The following UBE2D1 variants were observed in gnomAD, a reference collection of about 807,000 sequenced individuals.
UBE2D1 encodes ubiquitin-conjugating enzyme E2 D1.
Under a neutral mutation model 24.6 loss-of-function variants are expected in UBE2D1, and 9 were observed. That is an observed-to-expected ratio of 0.37 (90% confidence interval 0.22 to 0.64). The LOEUF (loss-of-function observed/expected upper bound fraction) is 0.64. Among genes scored for constraint, UBE2D1 ranks in the 30% least tolerant of loss-of-function variants. The probability of loss-of-function intolerance (pLI) is 0.64; values close to 1 mark genes in which losing one functional copy is unlikely to be tolerated. For synonymous variants in UBE2D1, 57 were observed against 57.6 expected, an observed-to-expected ratio of 0.99 and a Z score of 0.04; for missense variants, 87 against 177.1, an observed-to-expected ratio of 0.49 and a Z score of 2.89.
chr10:58,354,976 G>C (rs1248060687), intron 1 of UBE2D1, among the ~76,000 whole-genome samples: 1 of 152,060 alleles, frequency 6.6e-6, no homozygotes, highest in Non-Finnish European at 1.5e-5. Flanking sequence ...AAGTAGAGTG[G>C]CATTGTTTTA....
In UBE2D1 at chr10:58,369,008, C is replaced by A; in HGVS notation, c.*243C>A. 3.6e-6 allele frequency: 1 copy of A among 275,374 alleles called. No individual in the cohort carries two copies. Among genetic ancestry groups the A allele is most frequent in the Non-Finnish European group, 6.8e-6 (1 of 146,406 alleles). The allele number at this position is 275,374 out of a possible 1,614,324, so 17.1% of individuals were successfully genotyped here. On this transcript the variant is annotated 3_prime_UTR_variant, in exon 7 of 7. Transcript: ENST00000373910. ...GACATTTATTATGGTTTTTAAGATA[C>A]TTGGACATCTGCATCTTCAGCTTAC...
intron 1 of UBE2D1, among the ~76,000 whole-genome samples, chr10:58,351,056 C>T (rs1198369590): frequency 6.6e-6 from 1 of 152,124 alleles, no homozygotes; most frequent in East Asian, 1.9e-4. Context: ...CTGTATAGGG[C>T]ACTTACCATA....
intron 1 of UBE2D1, among the ~76,000 whole-genome samples, chr10:58,357,577 T>C (rs954054257): frequency 6.6e-6 from 1 of 152,190 alleles, no homozygotes; most frequent in African/African-American, 2.4e-5. Flanking sequence ...TTCATTTTTC[T>C]TTTTTCAAAT....
chr10:58,335,352 G>T (rs964973550), intron 1 of UBE2D1, 127 bp downstream of exon 1: 85 of 1,163,026 alleles, frequency 7.3e-5, no homozygotes, highest in Non-Finnish European at 9.0e-5. Context: ...TGCGGGCAGG[G>T]AGCTGAAGGC....
chr10:58,363,248 A>G (rs1284136331), intron 3 of UBE2D1, among the ~76,000 whole-genome samples: 1 of 152,180 alleles, frequency 6.6e-6, no homozygotes, highest in East Asian at 1.9e-4. Flanking sequence ...GCTGCAGAAA[A>G]TGATCTTTTC....
At chr10:58,351,514 A>C (rs948196653) in intron 1 of UBE2D1, among the ~76,000 whole-genome samples, 2 of 152,098 alleles carry the variant, frequency 1.3e-5, no homozygotes, top group African/African-American at 4.8e-5. Flanking sequence ...TTCCACCTCT[A>C]CACCTCCACA....
At chr10:58,363,728 A>C (rs1481555114) in intron 4 of UBE2D1, 42 bp downstream of exon 4, 2 of 1,414,936 alleles carry the variant, frequency 1.4e-6, no homozygotes, top group Admixed American at 3.6e-5. Flanking sequence ...CATGTAAGAG[A>C]TTTTATTCTT....
intron 4 of UBE2D1, among the ~76,000 whole-genome samples, chr10:58,364,269 T>C (rs1037107409): frequency 6.6e-6 from 1 of 152,132 alleles, no homozygotes; most frequent in Non-Finnish European, 1.5e-5. Flanking sequence ...AAAAACAGAT[T>C]AACATTGTAT....
chr10:58,363,914 T>C (rs1165952715), intron 4 of UBE2D1, among the ~76,000 whole-genome samples: 1 of 152,074 alleles, frequency 6.6e-6, no homozygotes, highest in African/African-American at 2.4e-5. Flanking sequence ...TAAATTAAAT[T>C]CCTTGCTTTT....
At chr10:58,366,216 A>G (rs1041562259) in intron 5 of UBE2D1, among the ~76,000 whole-genome samples, 1 of 152,242 alleles carries the variant, frequency 6.6e-6, no homozygotes, top group Non-Finnish European at 1.5e-5. Context: ...CCAGATATTG[A>G]GTACTTATAT....
At position 58,365,179 on chromosome 10, in the gene UBE2D1, A is replaced by G. The variant is rs916464677; in HGVS notation, c.304+303A>G. Among the ~76,000 whole-genome samples, 14 of 152,286 alleles carry G rather than the reference A, an allele frequency of 9.2e-5. No homozygotes were observed. The South Asian group carries it at 2.5e-3, about 27-fold the overall frequency. On this transcript the variant is annotated intron_variant, in intron 5 of 6. Coordinates refer to ENST00000373910, the MANE Select transcript of UBE2D1 (RefSeq NM_003338.5). ...TTAGCTTGGGTGTTGTCTTTTAAAA[A>G]AGAGAGAGTGCCCGGGCACTGTGGC...
intron 1 of UBE2D1, among the ~76,000 whole-genome samples, chr10:58,341,229 G>A (rs1206850708): frequency 1.3e-5 from 2 of 152,126 alleles, no homozygotes; most frequent in Non-Finnish European, 2.9e-5. Context: ...TTTTTGAATT[G>A]ACAGAGTCAT....
intron 1 of UBE2D1, among the ~76,000 whole-genome samples, chr10:58,355,078 T>G (rs955333177): frequency 6.6e-6 from 1 of 152,186 alleles, no homozygotes; most frequent in Non-Finnish European, 1.5e-5. Context: ...CCACATGTCA[T>G]TAAGCCTCTG....
chr10:58,339,430 T>C (rs1185985795), intron 1 of UBE2D1, among the ~76,000 whole-genome samples: 1 of 152,232 alleles, frequency 6.6e-6, no homozygotes, highest in Non-Finnish European at 1.5e-5. Flanking sequence ...TATTCCTGGC[T>C]GTGTGGCTTA....
At chr10:58,347,543 G>A (rs1840029502) in intron 1 of UBE2D1, among the ~76,000 whole-genome samples, 2 of 152,086 alleles carry the variant, frequency 1.3e-5, no homozygotes, top group African/African-American at 4.8e-5. Flanking sequence ...CATTATGCCT[G>A]GTGCAGAGAA....
At chr10:58,350,859 C>G (rs1171294796) in intron 1 of UBE2D1, among the ~76,000 whole-genome samples, 1 of 152,136 alleles carries the variant, frequency 6.6e-6, no homozygotes, top group African/African-American at 2.4e-5. Flanking sequence ...CTAGATGGTA[C>G]AGCCTACTAT....
At chr10:58,342,882 T>A (rs1265312335) in intron 1 of UBE2D1, among the ~76,000 whole-genome samples, 1 of 149,726 alleles carries the variant, frequency 6.7e-6, no homozygotes, top group Non-Finnish European at 1.5e-5. Context: ...CAGGCTGGAG[T>A]ACAGTGGCGC....
intron 1 of UBE2D1, among the ~76,000 whole-genome samples, chr10:58,337,035 C>T (rs1195460263): frequency 6.6e-6 from 1 of 152,140 alleles, no homozygotes; most frequent in Non-Finnish European, 1.5e-5. Context: ...TGGCAGTTCT[C>T]ATCAATCACC....
At chr10:58,360,030 C>G (rs1422895537) in intron 1 of UBE2D1, among the ~76,000 whole-genome samples, 2 of 152,182 alleles carry the variant, frequency 1.3e-5, no homozygotes, top group Non-Finnish European at 2.9e-5. Flanking sequence ...TCCATTAAAT[C>G]AGAACATGCC....
Sources: gnomAD v4.1 joint callset for allele counts (sites outside exome capture counted in the v4.1 genomes callset) on GRCh38, gnomAD v4.1.1 for gene constraint, MANE v1.5 for transcripts, NCBI Gene and HGNC (gene_info 2026-07-23, HGNC 2026-07-21) for gene names.